The following ZC3H12C variants were observed in gnomAD, a reference collection of about 807,000 sequenced individuals.
ZC3H12C encodes probable ribonuclease ZC3H12C.
In ZC3H12C, 20 loss-of-function variants were observed where a neutral mutation model predicts 76.3. That is an observed-to-expected ratio of 0.26 (90% CI 0.18 to 0.38). ZC3H12C has a LOEUF of 0.38. ZC3H12C is among the 10% of genes least tolerant of loss of function. The probability of loss-of-function intolerance (pLI) is 1.00; values close to 1 mark genes in which losing one functional copy is unlikely to be tolerated. For missense variants in ZC3H12C, 874 were observed against 1,086.5 expected (o/e 0.80, Z 2.75); for synonymous variants, 352 against 399.6 (o/e 0.88, Z 1.42).
intron 1 of ZC3H12C, among the ~76,000 whole-genome samples, chr11:110,095,106 T>C (rs1426503456): frequency 6.6e-6 from 1 of 152,212 alleles, no homozygotes; most frequent in Admixed American, 6.5e-5. Context: ...ACTTGGAATG[T>C]TTCTATACTG....
At chr11:110,108,912 A>G (rs1184098172) in intron 1 of ZC3H12C, among the ~76,000 whole-genome samples, 1 of 152,246 alleles carries the variant, frequency 6.6e-6, no homozygotes, top group Non-Finnish European at 1.5e-5. Flanking sequence ...AATCCAGTTT[A>G]AGAGCTGTTA....
intron 2 of ZC3H12C, among the ~76,000 whole-genome samples, chr11:110,141,499 T>C (rs1300621717): frequency 6.6e-6 from 1 of 152,210 alleles, no homozygotes; most frequent in Non-Finnish European, 1.5e-5. Flanking sequence ...AAAATTTGCC[T>C]TCAATTGTTT....
intron 1 of ZC3H12C, among the ~76,000 whole-genome samples, chr11:110,132,430 C>A (rs1214359629): frequency 6.6e-6 from 1 of 152,128 alleles, no homozygotes; most frequent in Non-Finnish European, 1.5e-5. Flanking sequence ...ACTTCATCAT[C>A]ATCTACAAAA....
At chr11:110,103,026 T>A (rs1861247189) in intron 1 of ZC3H12C, among the ~76,000 whole-genome samples, 1 of 152,220 alleles carries the variant, frequency 6.6e-6, no homozygotes. Flanking sequence ...AAAATTTGCA[T>A]CACTTGCCCT....
chr11:110,153,663 C>G (rs1862318468), intron 3 of ZC3H12C, among the ~76,000 whole-genome samples: 2 of 152,078 alleles, frequency 1.3e-5, no homozygotes, highest in Admixed American at 1.3e-4. Flanking sequence ...TCTGGCTTTG[C>G]CCTTCACTAG....
At position 110,106,132 on chromosome 11, in the gene ZC3H12C, G is replaced by A. The variant is rs2134148789; in HGVS notation, c.21+12700G>A. Among the ~76,000 whole-genome samples, 2 of 68,146 alleles carry A rather than the reference G, an allele frequency of 2.9e-5. 1 individual carries two copies. Among genetic ancestry groups the A allele is most frequent in the South Asian group, 7.7e-4 (2 of 2,594 alleles). 44.7% of individuals were successfully genotyped at this position (68,146 alleles called of 152,430 possible). Reference sequence around the variant, plus strand: ...AAATACAAAAAATTAGCCGGGCGTGGTAGCAGGCGCCTGTAGTCCCAGCTA... The same window carrying A: ...AAATACAAAAAATTAGCCGGGCGTGATAGCAGGCGCCTGTAGTCCCAGCTA... On this transcript the variant is annotated intron_variant, in intron 1 of 5. Transcript: ENST00000278590.
chr11:110,133,807 A>G (rs1418692305), intron 1 of ZC3H12C, among the ~76,000 whole-genome samples: 2 of 152,194 alleles, frequency 1.3e-5, no homozygotes, highest in East Asian at 1.9e-4. Flanking sequence ...AAAACATTAG[A>G]TAGAAGATAT....
intron 1 of ZC3H12C, among the ~76,000 whole-genome samples, chr11:110,093,633 G>GAC (rs1861053470): frequency 6.6e-6 from 1 of 151,836 alleles, no homozygotes; most frequent in African/African-American, 2.4e-5. Flanking sequence ...CGCTCAGGTG[G>GAC]GGCCGAGCGG....
intron 1 of ZC3H12C, among the ~76,000 whole-genome samples, chr11:110,104,426 TC>T (rs1363570474): frequency 1.3e-5 from 2 of 152,206 alleles, no homozygotes; most frequent in African/African-American, 4.8e-5. Context: ...TGTTAGCTGT[TC>T]CTTGCTGACA....
chr11:110,114,451 T>C (rs1258251509), intron 1 of ZC3H12C, among the ~76,000 whole-genome samples: 2 of 152,226 alleles, frequency 1.3e-5, no homozygotes, highest in East Asian at 3.8e-4. Context: ...ATTTTATAGT[T>C]CTTAAGAATA....
chr11:110,165,525 G>A lies in ZC3H12C; in HGVS notation c.2440G>A (p.Glu814Lys), dbSNP rs1214779205. The change falls in exon 6 of 6, where the codon GAG (glutamate) becomes AAG (lysine). Residue 814 changes from glutamate (E) to lysine (K), a missense_variant. Transcript: ENST00000278590. ...GCAGTTCACCTTCCAGAGCCTCCCT[G>A]AGCAACAGGAGCCAGCCTGGCGGAT... ...YEQFTFQSLPEQQEPAWRIPY... is the reference protein window; with the variant it reads ...YEQFTFQSLPKQQEPAWRIPY... 3 of 1,613,886 alleles carry A rather than the reference G, an allele frequency of 1.9e-6. No individual in the cohort carries two copies. Among genetic ancestry groups the A allele is most frequent in the Admixed American group, 1.7e-5 (1 of 60,002 alleles).
rs1861971313 is a variant in ZC3H12C at position 110,136,846 on chromosome 11, G to T, written c.205G>T (p.Asp69Tyr). Residue 69 changes from aspartate to tyrosine, a missense_variant, in exon 2 of 6, where the codon GAT (aspartate) becomes TAT (tyrosine). Physicochemically the swap from Asp to Tyr is radical, Grantham distance 160. Transcript: ENST00000278590. ...PWSTVENPSM[D>Y]TVNVGKDEKE... The stretch of plus-strand genomic sequence containing the variant: ...GTCAACAGTAGAAAACCCAAGTATG[G>T]ATACCGTTAATGTGGGGAAGGATGA... 6.2e-7 allele frequency: 1 copy of T among 1,613,750 alleles called. No homozygotes were observed. Among genetic ancestry groups the T allele is most frequent in the South Asian group, 1.1e-5 (1 of 91,068 alleles).
chr11:110,138,035 T>G (rs193039328), intron 2 of ZC3H12C, among the ~76,000 whole-genome samples: 1 of 152,146 alleles, frequency 6.6e-6, no homozygotes, highest in Admixed American at 6.5e-5. Context: ...GGAAGGATCA[T>G]TTGAGGCCAG....
chr11:110,131,267 C>T (rs1861860952), intron 1 of ZC3H12C, among the ~76,000 whole-genome samples: 1 of 152,202 alleles, frequency 6.6e-6, no homozygotes, highest in African/African-American at 2.4e-5. Context: ...TGAAATATGT[C>T]TGCGAAGCAG....
intron 3 of ZC3H12C, among the ~76,000 whole-genome samples, chr11:110,156,461 A>G (rs17110877): frequency 0.24 from 36,689 of 152,078 alleles, 4,373 homozygotes; most frequent in Middle Eastern, 0.37. Flanking sequence ...AGGATTATTT[A>G]TGTCATCCTA....
At chr11:110,101,217 G>GA (rs1449868708) in intron 1 of ZC3H12C, among the ~76,000 whole-genome samples, 1 of 152,124 alleles carries the variant, frequency 6.6e-6, no homozygotes, top group African/African-American at 2.4e-5. Flanking sequence ...GGAAGCTGCA[G>GA]AAAAAAAGTT....
At chr11:110,121,047 C>A (rs1426677513) in intron 1 of ZC3H12C, among the ~76,000 whole-genome samples, 1 of 152,150 alleles carries the variant, frequency 6.6e-6, no homozygotes, top group African/African-American at 2.4e-5. Flanking sequence ...TTTTAAAATG[C>A]CTCTGGCCAG....
chr11:110,093,499 TG>T, intron 1 of ZC3H12C, 67 bp downstream of exon 1: 3 of 1,123,232 alleles, frequency 2.7e-6, no homozygotes, highest in Non-Finnish European at 2.2e-6. Context: ...TAGCCGGTCG[TG>T]GGGAGGGCCG....
chr11:110,139,298 T>G (rs2134179366), intron 2 of ZC3H12C, among the ~76,000 whole-genome samples: 1 of 152,296 alleles, frequency 6.6e-6, no homozygotes, highest in East Asian at 1.9e-4. Context: ...ATATTCTTCA[T>G]TACATAAAAA....
Sources: allele counts gnomAD v4.1 joint callset (sites outside exome capture counted in the v4.1 genomes callset), GRCh38; gene constraint gnomAD v4.1.1; transcripts MANE v1.5; gene names NCBI Gene and HGNC (gene_info 2026-07-23, HGNC 2026-07-21).